Variants in RALGAPB observed in about 807,000 individuals in gnomAD.
RALGAPB encodes ral GTPase-activating protein subunit beta.
Under a neutral mutation model 161.1 loss-of-function variants are expected in RALGAPB, and 25 were observed. The observed-to-expected ratio is 0.16, with a 90% CI of 0.11 to 0.22. RALGAPB has a LOEUF of 0.22. Among genes scored for constraint, RALGAPB ranks in the 10% least tolerant of loss-of-function variants. The pLI is 1.00. For synonymous variants in RALGAPB, 629 were observed against 626.1 expected, an observed-to-expected ratio of 1.00 and a Z score of -0.07; for missense variants, 1,391 against 1,815.2, an observed-to-expected ratio of 0.77 and a Z score of 4.25.
chr20:38,494,792 G>T (rs745856342), intron 3 of RALGAPB, among the ~76,000 whole-genome samples: 8 of 152,200 alleles, frequency 5.3e-5, no homozygotes, highest in Non-Finnish European at 1.2e-4. Context: ...ATAGTCTCAT[G>T]AGTAGTATTG....
chr20:38,565,336 G>A (rs754030616), intron 24 of RALGAPB, 23 bp from the exon 25 acceptor site: 63 of 1,612,240 alleles, frequency 3.9e-5, no homozygotes, highest in Non-Finnish European at 5.1e-5. Flanking sequence ...AAGCGGTAAT[G>A]TAGTGTTTCT....
chr20:38,533,362 A>G (rs1271417812), intron 15 of RALGAPB, among the ~76,000 whole-genome samples: 1 of 152,156 alleles, frequency 6.6e-6, no homozygotes, highest in Non-Finnish European at 1.5e-5. Flanking sequence ...CCTGCCAAGT[A>G]AAACATTTGC....
chr20:38,573,705 T>C (rs1452188727), intron 28 of RALGAPB: 1 of 152,342 alleles, frequency 6.6e-6, no homozygotes, highest in African/African-American at 2.4e-5. Flanking sequence ...CTGCTTCTCC[T>C]CTGGGATTAT....
chr20:38,505,001 A>G (rs1335963059), intron 5 of RALGAPB, among the ~76,000 whole-genome samples: 1 of 152,218 alleles, frequency 6.6e-6, no homozygotes, highest in Admixed American at 6.5e-5. Context: ...AGTTCCAGCT[A>G]CTGTGGAAAG....
chr20:38,527,268 G>A (rs1239340191), intron 13 of RALGAPB, among the ~76,000 whole-genome samples: 1 of 152,148 alleles, frequency 6.6e-6, no homozygotes, highest in African/African-American at 2.4e-5. Context: ...AGGAGGTGGG[G>A]TGTATGTCCT....
At chr20:38,564,735 G>C (rs1327353674) in intron 24 of RALGAPB, among the ~76,000 whole-genome samples, 1 of 152,180 alleles carries the variant, frequency 6.6e-6, no homozygotes, top group Admixed American at 6.5e-5. Flanking sequence ...ATTGAGGAAG[G>C]TGGAACATAG....
At chr20:38,497,586 C>A in intron 4 of RALGAPB, 70 bp downstream of exon 4, 1 of 1,462,706 alleles carries the variant, frequency 6.8e-7, no homozygotes, top group Admixed American at 2.1e-5. Flanking sequence ...ACTCAGTGAG[C>A]GGTAGACTCA....
intron 1 of RALGAPB, among the ~76,000 whole-genome samples, chr20:38,473,828 A>G (rs892032095): frequency 1.3e-5 from 2 of 152,220 alleles, no homozygotes; most frequent in African/African-American, 2.4e-5. Flanking sequence ...GTTGAAAGCC[A>G]GACTTCAATA....
chr20:38,568,887 C>T (rs2088114212), intron 26 of RALGAPB: 1 of 152,144 alleles, frequency 6.6e-6, no homozygotes, highest in Non-Finnish European at 1.5e-5. Flanking sequence ...GGGAGATTTT[C>T]CAAGTAGACC....
chr20:38,565,258 A>G (rs2145505556), intron 24 of RALGAPB, 101 bp from the exon 25 acceptor site: 16 of 1,358,770 alleles, frequency 1.2e-5, no homozygotes, highest in Non-Finnish European at 1.5e-5. Context: ...CATATATTCT[A>G]TTTATCACTT....
intron 26 of RALGAPB, 49 bp downstream of exon 26, chr20:38,567,281 G>T (rs1188008840): frequency 1.3e-6 from 2 of 1,588,238 alleles, no homozygotes; most frequent in Non-Finnish European, 8.6e-7. Context: ...TGAAATCAGG[G>T]TAATTATAGA....
intron 24 of RALGAPB, among the ~76,000 whole-genome samples, chr20:38,564,685 A>G (rs567947820): frequency 1.3e-5 from 2 of 152,228 alleles, no homozygotes; most frequent in South Asian, 4.2e-4. Flanking sequence ...AGATACTATT[A>G]CTAAAACTGG....
At chr20:38,513,229 C>T (rs1430772670) in intron 6 of RALGAPB, among the ~76,000 whole-genome samples, 2 of 147,210 alleles carry the variant, frequency 1.4e-5, no homozygotes, top group Non-Finnish European at 1.5e-5. Context: ...ATGGGCTGGG[C>T]GTGGTGGCTC....
intron 1 of RALGAPB, among the ~76,000 whole-genome samples, chr20:38,476,746 T>G: frequency 6.6e-6 from 1 of 152,232 alleles, no homozygotes; most frequent in Non-Finnish European, 1.5e-5. Context: ...TTAAACATGC[T>G]CAGAACATTT....
intron 1 of RALGAPB, among the ~76,000 whole-genome samples, chr20:38,487,514 AAATTT>A (rs1177923574): frequency 9.2e-5 from 14 of 152,220 alleles, no homozygotes; most frequent in African/African-American, 3.1e-4. Context: ...GAAGAAATGA[AAATTT>A]AATATATGAC....
Position 38,499,431 on chromosome 20 carries a change from T to C in RALGAPB, c.554-16T>C, listed in dbSNP as rs1424522534. ...AAATAAGTTTGCCAAAGATGTGTTTTCTTTTTGTTGGTAAGGTGGCATTGC... is the reference window on the plus strand; with the variant it reads ...AAATAAGTTTGCCAAAGATGTGTTTCCTTTTTGTTGGTAAGGTGGCATTGC... On this transcript the variant is annotated splice_polypyrimidine_tract_variant and intron_variant, in intron 4 of 29. Coordinates refer to ENST00000262879, the MANE Select transcript of RALGAPB (RefSeq NM_020336.4). 6.4e-7 allele frequency: 1 copy of C among 1,564,962 alleles called. No individual in the cohort carries two copies. The highest frequency in any genetic ancestry group is 8.7e-7 in the Non-Finnish European group (1 of 1,153,344).
chr20:38,559,546 T>C (rs2087715431), intron 23 of RALGAPB, among the ~76,000 whole-genome samples: 2 of 152,094 alleles, frequency 1.3e-5, no homozygotes, highest in South Asian at 4.1e-4. Context: ...AATACAAAAA[T>C]TAGCCAGCGT....
At chr20:38,532,346 C>T (rs140684797) in intron 14 of RALGAPB, among the ~76,000 whole-genome samples, 9 of 152,288 alleles carry the variant, frequency 5.9e-5, no homozygotes, top group African/African-American at 1.7e-4. Flanking sequence ...TGTGAGCCAG[C>T]GCGCCTGGCC....
intron 19 of RALGAPB, among the ~76,000 whole-genome samples, chr20:38,548,387 G>T (rs1270072186): frequency 6.6e-6 from 1 of 152,202 alleles, no homozygotes; most frequent in East Asian, 1.9e-4. Context: ...GATCTTAGTT[G>T]ATACATTAGT....
Sources: gnomAD v4.1 joint callset for allele counts (sites outside exome capture counted in the v4.1 genomes callset) on GRCh38, gnomAD v4.1.1 for gene constraint, MANE v1.5 for transcripts, NCBI Gene and HGNC (gene_info 2026-07-23, HGNC 2026-07-21) for gene names.